CSMD1: variants seen among roughly 807,000 people sequenced by gnomAD.
The protein encoded by CSMD1 is CUB and Sushi multiple domains 1.
Under a neutral mutation model 417.5 loss-of-function variants are expected in CSMD1, and 213 were observed. That is an observed-to-expected ratio of 0.51 (90% confidence interval 0.46 to 0.57). The LOEUF (loss-of-function observed/expected upper bound fraction) is 0.57. CSMD1 is among the 20% of genes least tolerant of loss of function. CSMD1 has a pLI of 0.00. For missense variants in CSMD1, 6,923 were observed against 4,529.7 expected, an observed-to-expected ratio of 1.53 and a Z score of -15.17; for synonymous variants, 2,862 against 1,736.8, an observed-to-expected ratio of 1.65 and a Z score of -16.11.
intron 1 of CSMD1, among the ~76,000 whole-genome samples, chr8:4,699,765 A>G (rs1416885417): frequency 6.6e-6 from 1 of 152,204 alleles, no homozygotes; most frequent in Non-Finnish European, 1.5e-5. Flanking sequence ...TTTCATGGTT[A>G]GTTTGTCAGG....
At chr8:4,623,800 A>C (rs1801925925) in intron 2 of CSMD1, among the ~76,000 whole-genome samples, 2 of 152,156 alleles carry the variant, frequency 1.3e-5, no homozygotes, top group South Asian at 4.1e-4. Flanking sequence ...AAACTAATTC[A>C]TAGTGACAGA....
chr8:4,302,343 G>C lies in CSMD1; in HGVS notation c.415+117610C>G, dbSNP rs117838927. Among the ~76,000 whole-genome samples the C allele has an allele frequency of 1.4e-3, 206 of 152,242 alleles. 1 individual carries two copies. The highest frequency in any genetic ancestry group is 3.4e-3 in the Middle Eastern group (1 of 294). ...AACTGTAAAAATAATAACAATAATA[G>C]TGATTCATAGTGATAATGTATCAAG... On this transcript the variant is annotated intron_variant, in intron 3 of 69. Transcript: ENST00000635120.
At chr8:3,862,305 C>T (rs1032142567) in intron 5 of CSMD1, among the ~76,000 whole-genome samples, 8 of 152,192 alleles carry the variant, frequency 5.3e-5, no homozygotes, top group Non-Finnish European at 1.2e-4. Flanking sequence ...TTACATTCTC[C>T]TTTCTGTCAT....
intron 7 of CSMD1, among the ~76,000 whole-genome samples, chr8:3,627,606 G>A (rs781401740): frequency 2.0e-4 from 30 of 152,228 alleles, no homozygotes; most frequent in Non-Finnish European, 4.0e-4. Flanking sequence ...ATATTCTATA[G>A]TGTAAACTTT....
At chr8:3,754,546 C>G (rs937347363) in intron 5 of CSMD1, among the ~76,000 whole-genome samples, 1 of 152,046 alleles carries the variant, frequency 6.6e-6, no homozygotes, top group Non-Finnish European at 1.5e-5. Context: ...GCTCCGCCTC[C>G]TGGGTTCAAG....
rs147264990 is a variant in CSMD1 at position 3,724,523 on chromosome 8, C to T, written c.932-16032G>A. 1.8e-4 allele frequency among the ~76,000 whole-genome samples: 28 copies of T among 152,122 alleles called. No individual in the cohort carries two copies. The East Asian group carries it at 4.7e-3, about 25-fold the overall frequency. On this transcript the variant is annotated intron_variant, in intron 6 of 69. Transcript: ENST00000635120. Reference sequence around the variant, plus strand: ...AATGAAGCTGTTTGGGATTTTCAACCATTTTCAAAAGGGTCCTAAGGCTGA... The same window carrying T: ...AATGAAGCTGTTTGGGATTTTCAACTATTTTCAAAAGGGTCCTAAGGCTGA...
At position 4,347,510 on chromosome 8, in the gene CSMD1, T is replaced by C. The variant is rs532166726; in HGVS notation, c.415+72443A>G. 2.0e-5 allele frequency among the ~76,000 whole-genome samples: 3 copies of C among 152,310 alleles called. No individual in the cohort carries two copies. The South Asian group carries it at 6.2e-4, about 32-fold the overall frequency. ...AAGACTAAAGGAGACTAAATTATAA[T>C]TTACCAATGACATTACAGGATAAGG... On this transcript the variant is annotated intron_variant, in intron 3 of 69. Coordinates refer to ENST00000635120, the MANE Select transcript of CSMD1 (RefSeq NM_033225.6).
intron 8 of CSMD1, among the ~76,000 whole-genome samples, chr8:3,600,813 A>G (rs1314177828): frequency 6.6e-6 from 1 of 151,542 alleles, no homozygotes; most frequent in Admixed American, 6.6e-5. Flanking sequence ...ATTCATATGC[A>G]TGTTTTGCAA....
At chr8:3,149,638 C>T (rs991227282) in intron 40 of CSMD1, among the ~76,000 whole-genome samples, 1 of 152,124 alleles carries the variant, frequency 6.6e-6, no homozygotes, top group Admixed American at 6.5e-5. Flanking sequence ...CCACCATGCC[C>T]AGCTAAGTTT....
At chr8:3,943,292 T>C (rs1484539028) in intron 5 of CSMD1, among the ~76,000 whole-genome samples, 12 of 151,910 alleles carry the variant, frequency 7.9e-5, no homozygotes, top group Non-Finnish European at 1.5e-4. Flanking sequence ...CAAAGCACTT[T>C]ATCACCCTTG....
chr8:4,292,322 G>T (rs976129047), intron 3 of CSMD1, among the ~76,000 whole-genome samples: 1 of 152,038 alleles, frequency 6.6e-6, no homozygotes, highest in African/African-American at 2.4e-5. Flanking sequence ...TCGCGACCTG[G>T]GCTCACTGCA....
intron 1 of CSMD1, among the ~76,000 whole-genome samples, chr8:4,844,330 T>C (rs995031114): frequency 6.6e-6 from 1 of 152,098 alleles, no homozygotes; most frequent in Non-Finnish European, 1.5e-5. Flanking sequence ...ATTGATACAT[T>C]TTGTTTTTTT....
At chr8:4,714,290 T>A (rs1808504835) in intron 1 of CSMD1, among the ~76,000 whole-genome samples, 1 of 152,198 alleles carries the variant, frequency 6.6e-6, no homozygotes, top group Non-Finnish European at 1.5e-5. Flanking sequence ...TGCCATCTTT[T>A]TTCTCTTTAA....
intron 1 of CSMD1, among the ~76,000 whole-genome samples, chr8:4,992,044 C>G (rs1364969612): frequency 6.6e-6 from 1 of 152,172 alleles, no homozygotes. Flanking sequence ...GGCCTGGGAC[C>G]CTGGGCTCCA....
chr8:3,520,867 C>T (rs992637581), intron 10 of CSMD1, among the ~76,000 whole-genome samples: 1 of 152,120 alleles, frequency 6.6e-6, no homozygotes, highest in Non-Finnish European at 1.5e-5. Context: ...CCCACTTAGG[C>T]TTTGTCACCC....
chr8:4,139,203 G>A (rs1803625298), intron 3 of CSMD1, among the ~76,000 whole-genome samples: 1 of 152,230 alleles, frequency 6.6e-6, no homozygotes, highest in African/African-American at 2.4e-5. Context: ...GTATCTTCCT[G>A]GAAAATAAGA....
At chr8:3,483,756 C>G (rs1817871883) in intron 11 of CSMD1, among the ~76,000 whole-genome samples, 1 of 152,028 alleles carries the variant, frequency 6.6e-6, no homozygotes, top group Admixed American at 6.6e-5. Flanking sequence ...TATTAGAAAA[C>G]TGAATGCAAC....
At chr8:4,559,893 G>T (rs1473306828) in intron 2 of CSMD1, among the ~76,000 whole-genome samples, 1 of 152,158 alleles carries the variant, frequency 6.6e-6, no homozygotes, top group Non-Finnish European at 1.5e-5. Flanking sequence ...AGCCTCTTTG[G>T]GTAACTTGGG....
intron 12 of CSMD1, among the ~76,000 whole-genome samples, chr8:3,426,785 T>C (rs972710239): frequency 1.3e-5 from 2 of 152,164 alleles, no homozygotes; most frequent in African/African-American, 2.4e-5. Flanking sequence ...ATTTAATGGG[T>C]TGTGCCCAGT....
Sources: allele counts gnomAD v4.1 joint callset (sites outside exome capture counted in the v4.1 genomes callset), GRCh38; gene constraint gnomAD v4.1.1; transcripts MANE v1.5; gene names NCBI Gene and HGNC (gene_info 2026-07-23, HGNC 2026-07-21).